Variants in ADCK5 observed in about 807,000 individuals in gnomAD.
The protein encoded by ADCK5 is aarF domain containing kinase 5.
Under a neutral mutation model 64.9 loss-of-function variants are expected in ADCK5, and 43 were observed. The ratio of observed to expected loss-of-function variants is 0.66; its 90% CI spans 0.52 to 0.85. ADCK5 has a LOEUF of 0.85. ADCK5 is among the 40% of genes least tolerant of loss of function. The probability of loss-of-function intolerance (pLI) is 0.00; values close to 1 mark genes in which losing one functional copy is unlikely to be tolerated. For synonymous variants in ADCK5, 434 were observed against 342.8 expected, an observed-to-expected ratio of 1.27 and a Z score of -2.94; for missense variants, 760 against 810.5, an observed-to-expected ratio of 0.94 and a Z score of 0.76.
chr8:144,380,480 A>C (rs7815764), intron 2 of ADCK5, among the ~76,000 whole-genome samples: 46 of 116,172 alleles, frequency 4.0e-4, no homozygotes, highest in Non-Finnish European at 2.9e-4. Flanking sequence ...GTGCTCAGGC[A>C]CCTGCTGCAC....
Position 144,382,466 on chromosome 8 carries a change from G to A in ADCK5, c.117-615G>A, listed in dbSNP as rs142805226. On this transcript the variant is annotated intron_variant, in intron 2 of 14. Coordinates refer to ENST00000308860, the MANE Select transcript of ADCK5 (RefSeq NM_174922.5). ...GTATTGGACTCCTGCTGTATTCAGC[G>A]AGTATTAGACTCCTGCTGTATTCAG... 8.1e-4 allele frequency among the ~76,000 whole-genome samples: 124 copies of A among 152,298 alleles called. 1 individual carries two copies. Among genetic ancestry groups the A allele is most frequent in the Non-Finnish European group, 6.6e-4 (45 of 68,026 alleles).
At chr8:144,386,219 C>A (rs1819918983) in intron 3 of ADCK5, among the ~76,000 whole-genome samples, 1 of 151,802 alleles carries the variant, frequency 6.6e-6, no homozygotes, top group African/African-American at 2.4e-5. Flanking sequence ...GCCATGATGC[C>A]CAGGCTGGTC....
In ADCK5 at chr8:144,391,060, A is replaced by G. The variant is rs1056446375; in HGVS notation, c.543+4A>G. On this transcript the variant is annotated splice_donor_region_variant and intron_variant, in intron 5 of 14. Coordinates refer to ENST00000308860, the MANE Select transcript of ADCK5 (RefSeq NM_174922.5). ...CCTCAAGCGGGGCTTCCAGGAGGTG[A>G]GTGTGCGCTCAGGCCGAGGGAGGTG... 3 of 1,611,882 alleles carry G rather than the reference A, an allele frequency of 1.9e-6. No homozygotes were observed. Among genetic ancestry groups the G allele is most frequent in the Middle Eastern group, 1.6e-4 (1 of 6,062 alleles).
intron 2 of ADCK5, 52 bp downstream of exon 2, chr8:144,379,542 C>A: frequency 7.0e-7 from 1 of 1,422,142 alleles, no homozygotes; most frequent in Non-Finnish European, 9.6e-7. Context: ...GCATGGATGG[C>A]GTCTGTGTGC....
At position 144,374,114 on chromosome 8, in the gene ADCK5, A is replaced by G; in HGVS notation, c.12+7A>G. 8.0e-7 allele frequency: 1 copy of G among 1,247,148 alleles called. No homozygotes were observed. Among genetic ancestry groups the G allele is most frequent in the Non-Finnish European group, 1.0e-6 (1 of 988,524 alleles). 77.3% of individuals were successfully genotyped at this position (1,247,148 alleles called of 1,614,324 possible). A position where few individuals can be genotyped will look rare whatever the true frequency, so the allele number is the denominator to read the frequency against. ...GTCGGAGATGTGGCGACCGGTGAGGACTCTCCCGGCCCGGGGCGCCCGAGA... is the reference window on the plus strand; with the variant it reads ...GTCGGAGATGTGGCGACCGGTGAGGGCTCTCCCGGCCCGGGGCGCCCGAGA... On this transcript the variant is annotated splice_region_variant and intron_variant, in intron 1 of 14. Transcript: ENST00000308860.
rs539823934 is a variant in ADCK5, at chr8:144,375,666, G to A, written c.12+1559G>A. The A allele has an allele frequency of 2.0e-5, 20 of 985,244 alleles. No individual in the cohort carries two copies. The East Asian group carries it at 1.1e-3, about 56-fold the overall frequency. The allele number at this position is 985,244 out of a possible 1,614,324, so 61.0% of individuals were successfully genotyped here. Reference sequence around the variant, plus strand: ...AGTGTTACCACTCAGAATACTTGCCGCTTTCAAGGTAGTCAGCTGTGGTCT... The same window carrying A: ...AGTGTTACCACTCAGAATACTTGCCACTTTCAAGGTAGTCAGCTGTGGTCT... On this transcript the variant is annotated intron_variant, in intron 1 of 14. Transcript: ENST00000308860.
At chr8:144,387,734 C>CTT (rs112315554) in intron 3 of ADCK5, among the ~76,000 whole-genome samples, 3 of 142,198 alleles carry the variant, frequency 2.1e-5, no homozygotes, top group Non-Finnish European at 3.1e-5. Flanking sequence ...CTCATTGATA[C>CTT]TTTTTTTTTT....
At chr8:144,390,275 C>T (rs983569876) in intron 3 of ADCK5, among the ~76,000 whole-genome samples, 2 of 152,224 alleles carry the variant, frequency 1.3e-5, no homozygotes, top group Non-Finnish European at 2.9e-5. Flanking sequence ...CACAGGTGTG[C>T]ACCACCGTGC....
At chr8:144,374,775 T>A (rs1224104718) in intron 1 of ADCK5, among the ~76,000 whole-genome samples, 1 of 151,974 alleles carries the variant, frequency 6.6e-6, no homozygotes, top group African/African-American at 2.4e-5. Flanking sequence ...CGCCCCTGCG[T>A]CGTCTCAGGG....
chr8:144,393,013 C>G lies in ADCK5; in HGVS notation c.1682C>G (p.Ala561Gly). 1.3e-6 allele frequency: 2 copies of G among 1,591,270 alleles called. No homozygotes were observed. Among genetic ancestry groups the G allele is most frequent in the Non-Finnish European group, 1.7e-6 (2 of 1,172,426 alleles). ...CGGCTGACCGCCCTCCTGGCTCGTG[C>G]TCTGGTCCACCTGAGCCTCGTGCCC... ...AMRLTALLAR[A>G]LVHLSLVPPA... The change falls in exon 15 of 15, where the codon GCT becomes GGT. Residue 561 changes from alanine to glycine, a missense_variant. Physicochemically the swap from Ala to Gly is moderately conservative, Grantham distance 60. Around this residue, in one of 2 missense-constraint regions of ADCK5, gnomAD observed 333 missense variants for 292.0 expected, o/e 1.14. Coordinates refer to ENST00000308860, the MANE Select transcript of ADCK5 (RefSeq NM_174922.5).
intron 1 of ADCK5, among the ~76,000 whole-genome samples, chr8:144,378,155 G>A (rs1281854832): frequency 2.0e-5 from 3 of 152,350 alleles, no homozygotes; most frequent in South Asian, 2.1e-4. Flanking sequence ...ACTCAGCCTT[G>A]CTCCCAGGAG....
chr8:144,374,002 G>A (rs1819258336), upstream of ADCK5: 5 of 1,220,312 alleles, frequency 4.1e-6, no homozygotes, highest in Admixed American at 4.2e-5. Context: ...CTCTGGCTCC[G>A]GCGCGTGCGC....
At position 144,384,854 on chromosome 8, in the gene ADCK5, C is replaced by T. The variant is rs183208948; in HGVS notation, c.266+1624C>T. On this transcript the variant is annotated intron_variant, in intron 3 of 14. Coordinates refer to ENST00000308860, the MANE Select transcript of ADCK5 (RefSeq NM_174922.5). The surrounding 1 kb of genome is among the most constrained non-coding windows in gnomAD (Gnocchi z 5.7). ...CTGAGCTGGGGTTGCAGGGAGGGAC[C>T]TCTGTTGTTAATTTTCCCAGCAGTC... is the stretch of plus-strand genomic sequence containing the variant. Among the ~76,000 whole-genome samples the T allele has an allele frequency of 5.3e-5, 8 of 152,258 alleles. No homozygotes were observed. Among genetic ancestry groups the T allele is most frequent in the African/African-American group, 1.9e-4 (8 of 41,548 alleles).
chr8:144,388,574 C>G (rs568383509), intron 3 of ADCK5, among the ~76,000 whole-genome samples: 22 of 151,962 alleles, frequency 1.4e-4, no homozygotes, highest in South Asian at 1.0e-3. Flanking sequence ...ACCATCCTGG[C>G]CAACACGGTG....
At position 144,392,791 on chromosome 8, in the gene ADCK5, G is replaced by A. The variant is rs1165939831; in HGVS notation, c.1536G>A (p.Trp512Ter). 6.3e-7 allele frequency: 1 copy of A among 1,592,716 alleles called. No homozygotes were observed. Among genetic ancestry groups the A allele is most frequent in the Non-Finnish European group, 8.5e-7 (1 of 1,173,902 alleles). ...FLMAKRAVRG[W>*]SRLAGATYRG... ...GTGTGTGCAGGGCTGTCCGGGGCTG[G>A]AGCCGCCTGGCGGGCGCCACGTATC... Residue 512 changes from tryptophan to a stop codon, truncating the protein, a stop_gained, in exon 14 of 15, where the codon TGG becomes TGA. Transcript: ENST00000308860. LOFTEE classifies it high-confidence loss of function.
chr8:144,389,318 A>T lies in ADCK5; in HGVS notation c.267-1353A>T, dbSNP rs1554859901. On this transcript the variant is annotated intron_variant, in intron 3 of 14. Transcript: ENST00000308860. ...CCTCCTGGTGTCCTCCTCTCTTCCT[A>T]GTGGACCTCAGGCTGCAGGTGACCT... 1.5e-5 allele frequency: 7 copies of T among 456,220 alleles called. No homozygotes were observed. The Admixed American group carries it at 1.6e-4, about 11-fold the overall frequency. 28.3% of individuals were successfully genotyped at this position (456,220 alleles called of 1,614,324 possible). A position where few individuals can be genotyped will look rare whatever the true frequency, so the allele number is the denominator to read the frequency against.
Position 144,384,160 on chromosome 8 carries a change from G to A in ADCK5, c.266+930G>A, listed in dbSNP as rs999144497. Among the ~76,000 whole-genome samples, 3 of 151,898 alleles carry A rather than the reference G, an allele frequency of 2.0e-5. No homozygotes were observed. The highest frequency in any genetic ancestry group is 1.9e-4 in the East Asian group (1 of 5,178). ...GATCTCCTGACCTCGTGATCCACCC[G>A]CCTCGGCCTCCCAAAGTGCTGGGAT... is the stretch of plus-strand genomic sequence containing the variant. On this transcript the variant is annotated intron_variant, in intron 3 of 14. Coordinates refer to ENST00000308860, the MANE Select transcript of ADCK5 (RefSeq NM_174922.5). The surrounding 1 kb of genome is among the most constrained non-coding windows in gnomAD (Gnocchi z 5.7).
At chr8:144,382,770 G>A (rs1490536250) in intron 2 of ADCK5, among the ~76,000 whole-genome samples, 1 of 152,262 alleles carries the variant, frequency 6.6e-6, no homozygotes, top group Non-Finnish European at 1.5e-5. Flanking sequence ...GAGGAGCACA[G>A]ACCTGCCATT....
At chr8:144,373,954 C>T (rs542074411), upstream of ADCK5, 140 of 962,616 alleles carry the variant, frequency 1.5e-4, no homozygotes, top group African/African-American at 2.2e-3. Flanking sequence ...CGACTCGGGG[C>T]GTGGCCTCCA....
Sources: gnomAD v4.1 joint callset for allele counts (sites outside exome capture counted in the v4.1 genomes callset) on GRCh38, gnomAD v4.1.1 for gene constraint, gnomAD v4.1.1 regional missense constraint, Gnocchi (gnomAD v3.1) non-coding constraint, MANE v1.5 for transcripts, NCBI Gene and HGNC (gene_info 2026-07-23, HGNC 2026-07-21) for gene names.